The following CHD5 variants were observed in gnomAD, a reference collection of about 807,000 sequenced individuals.
CHD5 encodes chromodomain helicase DNA binding protein 5, also known as ATP-dependent chromatin remodeler CHD5.
A neutral mutation model predicts 230.3 loss-of-function variants in CHD5; 69 were observed. The ratio of observed to expected loss-of-function variants is 0.30; its 90% CI spans 0.25 to 0.37. The LOEUF is 0.37. Ranked by LOEUF, CHD5 falls within the 10% of genes least tolerant of loss-of-function variation. The pLI is 1.00. For synonymous variants in CHD5, 1,064 were observed against 1,065.9 expected (o/e 1.00, Z 0.03); for missense variants, 1,827 against 2,622.8 (o/e 0.70, Z 6.63).
At chr1:6,162,103 T>C (rs922314141) in intron 2 of CHD5, among the ~76,000 whole-genome samples, 4 of 152,130 alleles carry the variant, frequency 2.6e-5, no homozygotes, top group Non-Finnish European at 5.9e-5. Context: ...GCCTTGAGGC[T>C]GGGCGCGGTG....
chr1:6,127,300 A>T (rs931094498), intron 25 of CHD5: 3 of 156,558 alleles, frequency 1.9e-5, no homozygotes, highest in African/African-American at 4.8e-5. Context: ...CAGCCTGGCC[A>T]ACATGGCAAA....
At chr1:6,127,039 C>T (rs1666569682) in intron 25 of CHD5, 2 of 438,490 alleles carry the variant, frequency 4.6e-6, no homozygotes, top group South Asian at 4.9e-5. Flanking sequence ...CCTTGCCTGC[C>T]CTCAGGAGGC....
chr1:6,151,058 C>T lies in CHD5; in HGVS notation c.968G>A (p.Ser323Asn), dbSNP rs199924699. Residue 323 changes from serine to asparagine, a missense_variant, in exon 7 of 42, where the codon AGC becomes AAC. Ser to Asn is a conservative substitution (Grantham distance 46, BLOSUM62 1). Transcript: ENST00000262450. ...SECSAALGKK[S>N]KRRRKKKRID... is the part of the protein sequence containing the mutation. ...CCTCTTCTTCTTGCGCCTCCTCTTG[C>T]TCTTCTTGCCCAGGGCTGCAGAGCA... 1.2e-5 allele frequency: 19 copies of T among 1,592,056 alleles called. No homozygotes were observed. The African/African-American group carries it at 2.0e-4, about 17-fold the overall frequency.
chr1:6,153,102 G>C (rs1271869936), intron 5 of CHD5, among the ~76,000 whole-genome samples: 1 of 152,002 alleles, frequency 6.6e-6, no homozygotes, highest in African/African-American at 2.4e-5. Context: ...CAAGAAGGAA[G>C]GGGGGCCTGG....
intron 9 of CHD5, 101 bp downstream of exon 9, chr1:6,148,753 C>T: frequency 1.2e-6 from 1 of 869,250 alleles, no homozygotes; most frequent in Non-Finnish European, 1.6e-6. Context: ...CAGGAGCCGG[C>T]AGGGGCGGGG....
chr1:6,153,802 G>C (rs1667041014), intron 5 of CHD5, among the ~76,000 whole-genome samples: 1 of 151,748 alleles, frequency 6.6e-6, no homozygotes, highest in Non-Finnish European at 1.5e-5. Flanking sequence ...CTGCACTCCA[G>C]CCTGGGAGAC....
In CHD5 at chr1:6,169,016, CAA is replaced by C. The variant is rs796551533; in HGVS notation, c.80-741_80-740del. Among the ~76,000 whole-genome samples the C allele has an allele frequency of 2.8e-3, 277 of 98,788 alleles. 1 individual carries two copies. The highest frequency in any genetic ancestry group is 6.1e-3 in the African/African-American group (202 of 33,092). The allele number at this position is 98,788 out of a possible 152,430, so 64.8% of individuals were successfully genotyped here. ...CCTGGGCAACAGAGTGAGACTCCAT[CAA>C]AAAAAAAAAAAAAAAAGAGAGAGAG... On this transcript the variant is annotated intron_variant, in intron 1 of 41. Transcript: ENST00000262450.
intron 7 of CHD5, among the ~76,000 whole-genome samples, chr1:6,150,399 T>C (rs887990742): frequency 1.2e-4 from 17 of 141,584 alleles, no homozygotes; most frequent in African/African-American, 1.6e-4. Context: ...GATGGATGGA[T>C]GGATGGATGG....
intron 6 of CHD5, among the ~76,000 whole-genome samples, chr1:6,152,076 A>T (rs1229321997): frequency 6.6e-6 from 1 of 151,654 alleles, no homozygotes; most frequent in Non-Finnish European, 1.5e-5. Context: ...ACCAGGACAG[A>T]TCCCTCCACC....
At chr1:6,143,973 A>T in intron 12 of CHD5, 42 bp from the exon 13 acceptor site, 3 of 1,614,140 alleles carry the variant, frequency 1.9e-6, no homozygotes, top group Non-Finnish European at 2.5e-6. Context: ...GGCTCAGCCC[A>T]GGAGCAGGTC....
chr1:6,174,171 C>A (rs1015539156), intron 1 of CHD5, among the ~76,000 whole-genome samples: 3 of 151,542 alleles, frequency 2.0e-5, no homozygotes, highest in South Asian at 2.1e-4. Context: ...AACGGCCAGA[C>A]AGAAAGGGAG....
Position 6,127,000 on chromosome 1 carries a change from C to A in CHD5, c.3904-254G>T, listed in dbSNP as rs368370789. On this transcript the variant is annotated intron_variant, in intron 25 of 41. Coordinates refer to ENST00000262450, the MANE Select transcript of CHD5 (RefSeq NM_015557.3). The surrounding 1 kb of genome is among the most constrained non-coding windows in gnomAD (Gnocchi z 5.7). The stretch of plus-strand genomic sequence containing the variant: ...AAGTATTTCCTCGCCTCCTGTCAAG[C>A]ACTGAGGTACTGAGTTGAATAAGCT... 98 of 538,810 alleles carry A rather than the reference C, an allele frequency of 1.8e-4. No individual in the cohort carries two copies. In the East Asian group the frequency reaches 2.8e-3, roughly 15 times the overall value. 33.4% of individuals were successfully genotyped at this position (538,810 alleles called of 1,614,324 possible).
In CHD5 at chr1:6,148,839, G is replaced by T. The variant is rs1571160335; in HGVS notation, c.1383+15C>A. On this transcript the variant is annotated intron_variant, in intron 9 of 41. Coordinates refer to ENST00000262450, the MANE Select transcript of CHD5 (RefSeq NM_015557.3). ...TGGGGCGGGGCGTCCGGCGCGGGGC[G>T]GGCGGAACACTCACAGTACAGCGCG... 3 of 1,472,526 alleles carry T rather than the reference G, an allele frequency of 2.0e-6. No homozygotes were observed. In the African/African-American group the frequency reaches 4.3e-5, roughly 21 times the overall value. The allele number at this position is 1,472,526 out of a possible 1,614,324, so 91.2% of individuals were successfully genotyped here.
rs554465304 is a variant in CHD5, at chr1:6,175,010, C to A, written c.79+4935G>T. On this transcript the variant is annotated intron_variant, in intron 1 of 41. Transcript: ENST00000262450. ...GGATGGATGGATGGCAGATGGATGG[C>A]TGAATGGATAATGGATGGATGATGG... Among the ~76,000 whole-genome samples the A allele has an allele frequency of 7.4e-3, 910 of 123,598 alleles. 9 individuals carry two copies. Among genetic ancestry groups the A allele is most frequent in the African/African-American group, 0.027 (828 of 30,262 alleles). 81.1% of individuals were successfully genotyped at this position (123,598 alleles called of 152,430 possible).
chr1:6,141,559 G>A (rs1165791280), intron 15 of CHD5, among the ~76,000 whole-genome samples: 1 of 151,772 alleles, frequency 6.6e-6, no homozygotes, highest in Non-Finnish European at 1.5e-5. Flanking sequence ...AGGTTGCAGT[G>A]AGTCGAGATC....
At position 6,112,150 on chromosome 1, in the gene CHD5, C is replaced by T. The variant is rs749699494; in HGVS notation, c.5130G>A (p.Gly1710=). Residue 1710 remains glycine (G), a synonymous_variant, in exon 35 of 42, where the codon GGG becomes GGA. Coordinates refer to ENST00000262450, the MANE Select transcript of CHD5 (RefSeq NM_015557.3). ...KFKFMFNIAD[G]GFTELHTLWQ... is the part of the protein sequence containing the mutation. Reference sequence around the variant, plus strand: ...CCCCAACCCCAATACCCGTGAAGCCCCCGTCCGCGATGTTGAACATGAACT... The same window carrying T: ...CCCCAACCCCAATACCCGTGAAGCCTCCGTCCGCGATGTTGAACATGAACT... 9.3e-6 allele frequency: 15 copies of T among 1,613,774 alleles called. No homozygotes were observed. The African/African-American group carries it at 1.7e-4, about 19-fold the overall frequency.
intron 2 of CHD5, among the ~76,000 whole-genome samples, chr1:6,165,342 T>A (rs1466820657): frequency 1.3e-5 from 2 of 152,060 alleles, no homozygotes; most frequent in Non-Finnish European, 2.9e-5. Context: ...CTCCCACAGG[T>A]CTCTGCTGCA....
chr1:6,127,196 G>T (rs968526407), intron 25 of CHD5: 53 of 174,848 alleles, frequency 3.0e-4, no homozygotes, highest in Non-Finnish European at 4.5e-4. Flanking sequence ...AGGGAGAAAA[G>T]TGTGGGGTGG....
chr1:6,118,378 C>CAA (rs60950909), intron 33 of CHD5, among the ~76,000 whole-genome samples: 15 of 79,142 alleles, frequency 1.9e-4, no homozygotes, highest in South Asian at 4.1e-4. Context: ...GACCCTGTCT[C>CAA]AAAAAAAAAA....
Sources: gnomAD v4.1 joint callset for allele counts (sites outside exome capture counted in the v4.1 genomes callset) on GRCh38, gnomAD v4.1.1 for gene constraint, Gnocchi (gnomAD v3.1) non-coding constraint, MANE v1.5 for transcripts, NCBI Gene and HGNC (gene_info 2026-07-23, HGNC 2026-07-21) for gene names.